NKAIN3: variants seen among roughly 807,000 people sequenced by gnomAD.
NKAIN3 encodes sodium/potassium-transporting ATPase subunit beta-1-interacting protein 3.
Under a neutral mutation model 30.2 loss-of-function variants are expected in NKAIN3, and 25 were observed. That is an observed-to-expected ratio of 0.83 (90% confidence interval 0.60 to 1.16). The LOEUF is 1.16. NKAIN3 is among the 50% of genes most tolerant of loss of function. NKAIN3 has a pLI of 0.00. For synonymous variants in NKAIN3, 91 were observed against 89.6 expected (o/e 1.02, Z -0.09); for missense variants, 225 against 254.1 (o/e 0.89, Z 0.78).
intron 3 of NKAIN3, among the ~76,000 whole-genome samples, chr8:62,720,489 T>C (rs1049082163): frequency 6.6e-6 from 1 of 152,192 alleles, no homozygotes; most frequent in Non-Finnish European, 1.5e-5. Context: ...ATAATTTGAA[T>C]TCTGTTTTTT....
rs144293353 is a variant in NKAIN3 at position 62,695,024 on chromosome 8, C to T, written c.274-51908C>T. Among the ~76,000 whole-genome samples, 13 of 152,246 alleles carry T rather than the reference C, an allele frequency of 8.5e-5. No homozygotes were observed. In the East Asian group the frequency reaches 1.2e-3, roughly 14 times the overall value. On this transcript the variant is annotated intron_variant, in intron 3 of 6. Coordinates refer to ENST00000623646, the MANE Select transcript of NKAIN3 (RefSeq NM_001304533.3). ...CAATTAGCTTTTCTCTAGTGTCTAC[C>T]TAGTGCAAGTGCATCTATCCCTATG...
intron 4 of NKAIN3, among the ~76,000 whole-genome samples, chr8:62,845,708 TGGCA>T (rs1397644380): frequency 6.6e-6 from 1 of 152,114 alleles, no homozygotes; most frequent in Non-Finnish European, 1.5e-5. Context: ...CACAAAATTC[TGGCA>T]GGCAGGACTG....
chr8:62,738,673 G>A (rs1183344090), intron 3 of NKAIN3, among the ~76,000 whole-genome samples: 1 of 151,264 alleles, frequency 6.6e-6, no homozygotes, highest in African/African-American at 2.4e-5. Context: ...CTTTTTGATG[G>A]GGTTGTTTTT....
chr8:62,339,422 A>G (rs1815668934), intron 1 of NKAIN3, among the ~76,000 whole-genome samples: 1 of 152,040 alleles, frequency 6.6e-6, no homozygotes, highest in African/African-American at 2.4e-5. Flanking sequence ...AGAGTGGAAC[A>G]AAAGTGGAAG....
chr8:62,914,569 A>G (rs1822024275), intron 4 of NKAIN3, among the ~76,000 whole-genome samples: 1 of 152,184 alleles, frequency 6.6e-6, no homozygotes, highest in South Asian at 2.1e-4. Context: ...TAAAACATGG[A>G]CTAGATGTAC....
At chr8:62,758,332 G>A (rs961951062) in intron 4 of NKAIN3, among the ~76,000 whole-genome samples, 2 of 151,962 alleles carry the variant, frequency 1.3e-5, no homozygotes, top group African/African-American at 4.8e-5. Flanking sequence ...TAAGGTCTGT[G>A]GATTAGATAA....
intron 4 of NKAIN3, among the ~76,000 whole-genome samples, chr8:62,913,993 G>A (rs1822002244): frequency 6.6e-6 from 1 of 152,148 alleles, no homozygotes; most frequent in African/African-American, 2.4e-5. Flanking sequence ...CTGTTACTGG[G>A]TATATACCCA....
chr8:62,998,180 G>A (rs1201377471), intron 5 of NKAIN3, among the ~76,000 whole-genome samples: 4 of 152,168 alleles, frequency 2.6e-5, no homozygotes, highest in African/African-American at 4.8e-5. Flanking sequence ...TTCTATAATG[G>A]TGTCAAATAT....
intron 1 of NKAIN3, among the ~76,000 whole-genome samples, chr8:62,339,381 C>T (rs146847999): frequency 6.6e-6 from 1 of 152,112 alleles, no homozygotes; most frequent in East Asian, 1.9e-4. Context: ...TTTTAAGAAG[C>T]TCAGTCTGAC....
At chr8:62,741,744 A>G (rs1586151087) in intron 3 of NKAIN3, among the ~76,000 whole-genome samples, 1 of 152,168 alleles carries the variant, frequency 6.6e-6, no homozygotes, top group Non-Finnish European at 1.5e-5. Flanking sequence ...TGATGGCTCC[A>G]TGTCAGGTAA....
chr8:62,301,097 A>G (rs1051354695), intron 1 of NKAIN3, among the ~76,000 whole-genome samples: 1 of 152,092 alleles, frequency 6.6e-6, no homozygotes, highest in African/African-American at 2.4e-5. Flanking sequence ...AATGTAGTAA[A>G]AGTATGAAAT....
chr8:62,325,445 A>G (rs1032922896), intron 1 of NKAIN3, among the ~76,000 whole-genome samples: 1 of 152,208 alleles, frequency 6.6e-6, no homozygotes, highest in South Asian at 2.1e-4. Context: ...ATAAACATGC[A>G]TGTCCATGTG....
intron 3 of NKAIN3, among the ~76,000 whole-genome samples, chr8:62,715,855 C>T (rs1482120228): frequency 6.6e-6 from 1 of 152,102 alleles, no homozygotes; most frequent in African/African-American, 2.4e-5. Context: ...GGTAGAGTCA[C>T]CTTTTCTGAG....
chr8:62,362,805 G>GTT (rs1489813331), intron 1 of NKAIN3, among the ~76,000 whole-genome samples: 2 of 151,022 alleles, frequency 1.3e-5, no homozygotes, highest in Admixed American at 6.6e-5. Context: ...CAAATTTATA[G>GTT]ACAAAGAAAG....
intron 1 of NKAIN3, among the ~76,000 whole-genome samples, chr8:62,543,065 TA>T (rs1337082776): frequency 6.6e-6 from 1 of 152,176 alleles, no homozygotes; most frequent in East Asian, 1.9e-4. Context: ...GCTTGGTTGC[TA>T]AATAACATTT....
At chr8:62,762,153 T>C (rs1420945863) in intron 4 of NKAIN3, among the ~76,000 whole-genome samples, 3 of 151,874 alleles carry the variant, frequency 2.0e-5, no homozygotes, top group Non-Finnish European at 4.4e-5. Flanking sequence ...CCGTCTCTAC[T>C]AAAAATATAA....
At chr8:62,870,418 A>ATGTACAATATACAT (rs1554586585) in intron 4 of NKAIN3, among the ~76,000 whole-genome samples, 2 of 137,122 alleles carry the variant, frequency 1.5e-5, no homozygotes, top group East Asian at 4.0e-4. Flanking sequence ...TATACAATAT[A>ATGTACAATATACAT]TGTACATATA....
chr8:62,986,933 G>GT (rs1197799247), downstream of NKAIN3, among the ~76,000 whole-genome samples: 8 of 152,096 alleles, frequency 5.3e-5, no homozygotes, highest in Non-Finnish European at 1.2e-4. Context: ...CACACAACGT[G>GT]TTTTTTTCTT....
At chr8:62,790,227 G>C (rs928337265) in intron 4 of NKAIN3, among the ~76,000 whole-genome samples, 1 of 152,024 alleles carries the variant, frequency 6.6e-6, no homozygotes, top group Admixed American at 6.6e-5. Context: ...GATTATCTCA[G>C]TAGATGCAGA....
Sources: gnomAD v4.1 joint callset for allele counts (sites outside exome capture counted in the v4.1 genomes callset) on GRCh38, gnomAD v4.1.1 for gene constraint, MANE v1.5 for transcripts, NCBI Gene and HGNC (gene_info 2026-07-23, HGNC 2026-07-21) for gene names.